Variants in URB2 observed in about 807,000 individuals in gnomAD.
URB2 encodes the protein URB2 ribosome biogenesis homolog.
URB2 carries 86 observed loss-of-function variants against 120.9 expected under a neutral mutation model. The ratio of observed to expected loss-of-function variants is 0.71; its 90% CI spans 0.60 to 0.85. The LOEUF is 0.85. URB2 is among the 40% of genes least tolerant of loss of function. The probability of loss-of-function intolerance (pLI) is 0.00; values close to 1 mark genes in which losing one functional copy is unlikely to be tolerated. For synonymous variants in URB2, 755 were observed against 758.4 expected (o/e 1.00, Z 0.07); for missense variants, 1,765 against 1,836.5 (o/e 0.96, Z 0.71).
intron 7 of URB2, among the ~76,000 whole-genome samples, chr1:229,649,459 C>T (rs1248123358): frequency 2.6e-5 from 4 of 152,270 alleles, no homozygotes; most frequent in East Asian, 1.9e-4. Context: ...TACTAGAAAG[C>T]AGCTTGATTC....
At chr1:229,649,139 G>A (rs1487881865) in intron 7 of URB2, among the ~76,000 whole-genome samples, 1 of 152,196 alleles carries the variant, frequency 6.6e-6, no homozygotes, top group Admixed American at 6.5e-5. Context: ...GTGCATGGCT[G>A]TGTGTCATAT....
At chr1:229,630,494 T>C (rs1458288871) in intron 2 of URB2, among the ~76,000 whole-genome samples, 1 of 152,264 alleles carries the variant, frequency 6.6e-6, no homozygotes, top group African/African-American at 2.4e-5. Context: ...ACGGATATGC[T>C]GTCATTCAGG....
At chr1:229,638,841 G>C (rs1258140446) in intron 4 of URB2, among the ~76,000 whole-genome samples, 27 of 152,110 alleles carry the variant, frequency 1.8e-4, no homozygotes, top group Admixed American at 1.8e-3. Flanking sequence ...TGATTTTGGA[G>C]GTTGCTCTGT....
chr1:229,655,092 C>T (rs1666376319), intron 9 of URB2, among the ~76,000 whole-genome samples: 2 of 152,160 alleles, frequency 1.3e-5, no homozygotes, highest in Admixed American at 1.3e-4. Flanking sequence ...ACTCATGTGA[C>T]TCAGCTGCTC....
In URB2 at chr1:229,645,852, G is replaced by A; in HGVS notation, c.3796-7G>A. ...TCTGCCGCTAAGTTTTTTCTCTCTT[G>A]CCCCAGGCTGTTGTGTCAGCTGTTA... On this transcript the variant is annotated splice_region_variant and splice_polypyrimidine_tract_variant and intron_variant, in intron 5 of 9. Transcript: ENST00000258243. 6.2e-7 allele frequency: 1 copy of A among 1,613,564 alleles called. No individual in the cohort carries two copies. Among genetic ancestry groups the A allele is most frequent in the Non-Finnish European group, 8.5e-7 (1 of 1,179,660 alleles).
intron 3 of URB2, among the ~76,000 whole-genome samples, chr1:229,634,448 G>A (rs1665741679): frequency 1.3e-5 from 2 of 152,100 alleles, no homozygotes; most frequent in Admixed American, 1.3e-4. Context: ...CAAGTGATCC[G>A]CCTGCCTCGG....
At chr1:229,629,568 A>G (rs1665611669) in intron 2 of URB2, among the ~76,000 whole-genome samples, 1 of 152,244 alleles carries the variant, frequency 6.6e-6, no homozygotes, top group South Asian at 2.1e-4. Flanking sequence ...GCCTAAAAAA[A>G]GTACATATCT....
chr1:229,628,119 G>GTATATA (rs987421566), intron 2 of URB2, among the ~76,000 whole-genome samples: 1 of 123,926 alleles, frequency 8.1e-6, no homozygotes, highest in Non-Finnish European at 1.6e-5. Context: ...GTATATATAT[G>GTATATA]TATATATACA....
rs902744192 is a variant in URB2, at chr1:229,651,223, C to G, written c.4150-12C>G. The G allele has an allele frequency of 1.3e-6, 2 of 1,593,408 alleles. No homozygotes were observed. The highest frequency in any genetic ancestry group is 4.5e-5 in the East Asian group (2 of 44,626). On this transcript the variant is annotated splice_polypyrimidine_tract_variant and intron_variant, in intron 7 of 9. Transcript: ENST00000258243. ...CGTATGTACTTTTACATTCTGTTATCTGTCATTACAGGTAATGCTGAAAGC... is the reference window on the plus strand; with the variant it reads ...CGTATGTACTTTTACATTCTGTTATGTGTCATTACAGGTAATGCTGAAAGC...
intron 2 of URB2, 76 bp downstream of exon 2, chr1:229,627,835 T>C: frequency 6.8e-7 from 1 of 1,466,918 alleles, no homozygotes; most frequent in Middle Eastern, 1.8e-4. Flanking sequence ...ATATTGACAA[T>C]TGGTTAAAAT....
Position 229,635,420 on chromosome 1 carries a change from A to G in URB2, c.807A>G (p.Gly269=). Residue 269 remains glycine (G), a synonymous_variant, in exon 4 of 10, where the codon GGA becomes GGG. Coordinates refer to ENST00000258243, the MANE Select transcript of URB2 (RefSeq NM_014777.4). ...AGCAGCAAGGGGATGTGAAGACGGGAGCCATGAAGAACCTTCTGGCTCCCA... is the reference window on the plus strand; with the variant it reads ...AGCAGCAAGGGGATGTGAAGACGGGGGCCATGAAGAACCTTCTGGCTCCCA... ...LDQQQGDVKT[G]AMKNLLAPMD... 2.5e-6 allele frequency: 4 copies of G among 1,613,964 alleles called. No homozygotes were observed. Among genetic ancestry groups the G allele is most frequent in the Non-Finnish European group, 3.4e-6 (4 of 1,179,938 alleles).
At position 229,638,334 on chromosome 1, in the gene URB2, C is replaced by T. The variant is rs983815552; in HGVS notation, c.3634+87C>T. ...TTTTGGAACTGGGAATAAGTGAACA[C>T]GTGATGTGTTCAAAAGGTACCACAT... is the stretch of plus-strand genomic sequence containing the variant. On this transcript the variant is annotated intron_variant, in intron 4 of 9. Coordinates refer to ENST00000258243, the MANE Select transcript of URB2 (RefSeq NM_014777.4). The T allele has an allele frequency of 1.1e-5, 16 of 1,421,566 alleles. No individual in the cohort carries two copies. The African/African-American group carries it at 1.7e-4, about 15-fold the overall frequency. The allele number at this position is 1,421,566 out of a possible 1,614,324, so 88.1% of individuals were successfully genotyped here.
rs969744351 is a variant in URB2, at chr1:229,630,682, C to T, written c.127-1587C>T. 9.9e-5 allele frequency among the ~76,000 whole-genome samples: 15 copies of T among 152,280 alleles called. No individual in the cohort carries two copies. The South Asian group carries it at 2.9e-3, about 29-fold the overall frequency. ...GAAGCCAGGCATTGACTTCTCTTCT[C>T]TAGCTATGAAAGTCCTAGATGGTAG... On this transcript the variant is annotated intron_variant, in intron 2 of 9. Transcript: ENST00000258243.
chr1:229,635,021 T>C lies in URB2; in HGVS notation c.408T>C (p.Ala136=). The change falls in exon 4 of 10, where the codon GCT becomes GCC. Residue 136 remains alanine (A), a synonymous_variant. Transcript: ENST00000258243. ...CQGILSTPAL[A]VIYTAKQELM... ...GCATCCTGTCGACACCTGCCCTGGC[T>C]GTCATCTACACGGCCAAACAGGAGC... 6.2e-7 allele frequency: 1 copy of C among 1,613,778 alleles called. No homozygotes were observed.
chr1:229,634,099 T>C (rs888999237), intron 3 of URB2, among the ~76,000 whole-genome samples: 1 of 152,142 alleles, frequency 6.6e-6, no homozygotes, highest in East Asian at 1.9e-4. Flanking sequence ...TCCCAAGGTG[T>C]TGGGATTACA....
chr1:229,638,643 CT>C (rs1326236890), intron 4 of URB2, among the ~76,000 whole-genome samples: 1 of 144,376 alleles, frequency 6.9e-6, no homozygotes, highest in Non-Finnish European at 1.5e-5. Context: ...GAGAGTCTGT[CT>C]CAAAAAAAAA....
chr1:229,654,429 A>G (rs1313152139), intron 9 of URB2, 41 bp downstream of exon 9: 3 of 1,612,132 alleles, frequency 1.9e-6, no homozygotes, highest in Non-Finnish European at 2.5e-6. Flanking sequence ...TACTGTGTTT[A>G]TGGTCCTTAA....
At chr1:229,655,838 A>G (rs1666394521) in intron 9 of URB2, among the ~76,000 whole-genome samples, 1 of 152,242 alleles carries the variant, frequency 6.6e-6, no homozygotes. Context: ...AGGTGTCAGC[A>G]TTTGTCCAGG....
At chr1:229,650,338 T>C (rs1666238054) in intron 7 of URB2, among the ~76,000 whole-genome samples, 1 of 152,220 alleles carries the variant, frequency 6.6e-6, no homozygotes, top group Non-Finnish European at 1.5e-5. Context: ...AGTAGTCACA[T>C]GTGGCTGGTG....
Sources: allele counts gnomAD v4.1 joint callset (sites outside exome capture counted in the v4.1 genomes callset), GRCh38; gene constraint gnomAD v4.1.1; transcripts MANE v1.5; gene names NCBI Gene and HGNC (gene_info 2026-07-23, HGNC 2026-07-21).